Variants in NLRP2 observed in about 807,000 individuals in gnomAD.
NLRP2 encodes NLR family pyrin domain containing 2.
A neutral mutation model predicts 97.2 loss-of-function variants in NLRP2; 107 were observed. The ratio of observed to expected loss-of-function variants is 1.10; its 90% CI spans 0.94 to 1.29. The LOEUF is 1.29. Among genes scored for constraint, NLRP2 ranks in the 50% most tolerant of loss-of-function variants. The pLI, the probability that NLRP2 is intolerant of heterozygous loss-of-function variation, is 0.00. For synonymous variants in NLRP2, 663 were observed against 551.5 expected (o/e 1.20, Z -2.83); for missense variants, 1,495 against 1,330.3 (o/e 1.12, Z -1.93).
Position 54,982,465 on chromosome 19 carries a change from G to A in NLRP2, c.767G>A (p.Cys256Tyr). The A allele has an allele frequency of 1.2e-6, 2 of 1,614,202 alleles. No homozygotes were observed. Among genetic ancestry groups the A allele is most frequent in the East Asian group, 2.2e-5 (1 of 44,884 alleles). The stretch of plus-strand genomic sequence containing the variant: ...AGGGAGCTCAGCCGCCTGGGCCCGT[G>A]CAGTTTTGCAGAGCTGGTCTTCAGG... The part of the protein sequence containing the change: ...SCRELSRLGP[C>Y]SFAELVFRDW... The change falls in exon 6 of 13, where the codon TGC becomes TAC. Residue 256 changes from cysteine (C) to tyrosine (Y), a missense_variant. Physicochemically the swap from Cys to Tyr is radical, Grantham distance 194. Transcript: ENST00000448584.
intron 1 of NLRP2, among the ~76,000 whole-genome samples, chr19:54,969,263 C>T (rs1408782216): frequency 6.6e-6 from 1 of 151,788 alleles, no homozygotes; most frequent in Non-Finnish European, 1.5e-5. Context: ...ATCACGAGGT[C>T]AGGAGTTCGA....
rs562559152 is a variant in NLRP2, at chr19:55,000,955, C to T, written c.*57C>T. ...CATCGATTTTCCAGGTGTTGGTGAA[C>T]TGCCTGTGACTCCTCTCCTCCCCGG... On this transcript the variant is annotated 3_prime_UTR_variant, in exon 13 of 13. Coordinates refer to ENST00000448584, the MANE Select transcript of NLRP2 (RefSeq NM_017852.5). 6.0e-6 allele frequency: 9 copies of T among 1,509,258 alleles called. No individual in the cohort carries two copies. Among genetic ancestry groups the T allele is most frequent in the Non-Finnish European group, 8.3e-6 (9 of 1,087,080 alleles). The allele number at this position is 1,509,258 out of a possible 1,614,324, so 93.5% of individuals were successfully genotyped here.
At chr19:54,971,623 T>C (rs11668710) in intron 2 of NLRP2, among the ~76,000 whole-genome samples, 29,457 of 151,778 alleles carry the variant, frequency 0.19, 3,196 homozygotes, top group East Asian at 0.39. Context: ...ATGTCTTCTT[T>C]TGAGAAGTGT....
intron 1 of NLRP2, among the ~76,000 whole-genome samples, chr19:54,967,485 A>C (rs2070533337): frequency 6.6e-6 from 1 of 151,996 alleles, no homozygotes; most frequent in South Asian, 2.1e-4. Flanking sequence ...TGTCTCAAAA[A>C]ATAAAATAAA....
chr19:54,999,194 C>G (rs1483467007), intron 12 of NLRP2, among the ~76,000 whole-genome samples: 2 of 152,128 alleles, frequency 1.3e-5, no homozygotes, highest in Non-Finnish European at 2.9e-5. Flanking sequence ...GTTGTCCAGC[C>G]TGGAGCGCAA....
At chr19:54,981,512 C>CT in intron 4 of NLRP2, 105 bp from the exon 5 acceptor site, 1 of 273,618 alleles carries the variant, frequency 3.7e-6, no homozygotes, top group South Asian at 3.2e-5. Context: ...ATCCCGTGCC[C>CT]CCCCTCCCCC....
At chr19:54,977,729 G>C (rs1465137456) in intron 3 of NLRP2, 23 bp from the exon 4 acceptor site, 2 of 1,613,218 alleles carry the variant, frequency 1.2e-6, no homozygotes, top group Non-Finnish European at 1.7e-6. Context: ...CAACAGGCCT[G>C]TAATGCCGCC....
intron 8 of NLRP2, chr19:54,989,711 C>T (rs558446105): frequency 4.8e-5 from 23 of 483,032 alleles, no homozygotes; most frequent in Non-Finnish European, 7.9e-5. Flanking sequence ...CTGCCGGGCG[C>T]GGTGGCTCAC....
chr19:54,973,348 T>TTC (rs1344171866), intron 2 of NLRP2, among the ~76,000 whole-genome samples: 3 of 140,516 alleles, frequency 2.1e-5, no homozygotes, highest in Non-Finnish European at 4.5e-5. Context: ...GTGAGGGTTT[T>TTC]TTTTTTTTTT....
rs372912265 is a variant in NLRP2, at chr19:54,983,360, C to A, written c.1662C>A (p.Gly554=). The A allele has an allele frequency of 1.9e-6, 3 of 1,614,074 alleles. No individual in the cohort carries two copies. The highest frequency in any genetic ancestry group is 2.5e-6 in the Non-Finnish European group (3 of 1,180,048). The change falls in exon 6 of 13, where the codon GGC becomes GGA. Residue 554 remains glycine, a synonymous_variant. Coordinates refer to ENST00000448584, the MANE Select transcript of NLRP2 (RefSeq NM_017852.5). ...GGAACCCCGACCTGATCCAAGCAGG[C>A]TACTACTCCTTTGGCCTCGCTAACG... ...RLRNPDLIQA[G]YYSFGLANEK...
intron 10 of NLRP2, among the ~76,000 whole-genome samples, chr19:54,992,278 A>G (rs1352994057): frequency 1.3e-5 from 2 of 152,004 alleles, no homozygotes; most frequent in African/African-American, 4.8e-5. Context: ...TCCTCTTCCT[A>G]TGAAGTAACT....
intron 8 of NLRP2, 96 bp downstream of exon 8, chr19:54,986,411 T>C: frequency 8.7e-7 from 1 of 1,148,894 alleles, no homozygotes; most frequent in Non-Finnish European, 1.3e-6. Context: ...AGTTCGTTAT[T>C]CTGACTAGAA....
intron 2 of NLRP2, 117 bp from the exon 3 acceptor site, chr19:54,974,383 G>C (rs919860883): frequency 2.5e-6 from 2 of 806,172 alleles, no homozygotes; most frequent in Non-Finnish European, 2.2e-6. Flanking sequence ...GAACTGGAAG[G>C]AGATAAGAGA....
At chr19:54,978,886 T>C (rs901514673) in intron 4 of NLRP2, among the ~76,000 whole-genome samples, 1 of 151,900 alleles carries the variant, frequency 6.6e-6, no homozygotes, top group African/African-American at 2.4e-5. Context: ...AATGTATTTA[T>C]GGTACATTGC....
chr19:54,983,026 T>C lies in NLRP2; in HGVS notation c.1328T>C (p.Leu443Pro), dbSNP rs780312781. Residue 443 changes from leucine (L) to proline (P), a missense_variant, in exon 6 of 13, where the codon CTG becomes CCG. Physicochemically the swap from Leu to Pro is moderately conservative, Grantham distance 98 (BLOSUM62 -3). Transcript: ENST00000448584. The part of the protein sequence containing the change: ...LCSRFPQGAQ[L>P]RGALRTLSLL... The stretch of plus-strand genomic sequence containing the variant: ...AGCCGGTTCCCGCAGGGCGCACAGC[T>C]GCGGGGCGCGCTGCGGACGCTGAGC... 3.1e-6 allele frequency: 5 copies of C among 1,610,724 alleles called. No homozygotes were observed. The highest frequency in any genetic ancestry group is 4.2e-6 in the Non-Finnish European group (5 of 1,179,256).
chr19:54,967,932 T>A (rs945544746), intron 1 of NLRP2, among the ~76,000 whole-genome samples: 1 of 151,344 alleles, frequency 6.6e-6, no homozygotes, highest in Non-Finnish European at 1.5e-5. Context: ...TTTTTTTTTT[T>A]TTTTGAGACA....
In NLRP2 at chr19:54,982,153, A is replaced by G. The variant is rs749202533; in HGVS notation, c.464-9A>G. 72 of 1,613,856 alleles carry G rather than the reference A, an allele frequency of 4.5e-5. No homozygotes were observed. The highest frequency in any genetic ancestry group is 8.9e-5 in the East Asian group (4 of 44,888). ...TCCTCTCTCCCTTCCCTCCTCACCA[A>G]TGATAAAGACAAAGACAATAGGTGC... On this transcript the variant is annotated splice_polypyrimidine_tract_variant and intron_variant, in intron 5 of 12. Transcript: ENST00000448584.
rs1217489291 is a variant in NLRP2, at chr19:54,985,039, C to T, written c.2031-8C>T. On this transcript the variant is annotated splice_region_variant and splice_polypyrimidine_tract_variant and intron_variant, in intron 6 of 12. Transcript: ENST00000448584. ...ATTTGGTGTAACCCTTTCTTCTCTTCCCTATAGATCCCAGGATGATCAGCA... is the reference window on the plus strand; with the variant it reads ...ATTTGGTGTAACCCTTTCTTCTCTTTCCTATAGATCCCAGGATGATCAGCA... 6.2e-7 allele frequency: 1 copy of T among 1,613,942 alleles called. No individual in the cohort carries two copies. Among genetic ancestry groups the T allele is most frequent in the South Asian group, 1.1e-5 (1 of 91,072 alleles).
At chr19:54,989,497 T>C (rs115093782) in intron 8 of NLRP2, 1 of 181,118 alleles carries the variant, frequency 5.5e-6, no homozygotes, top group African/African-American at 2.4e-5. Context: ...CAATGAAACA[T>C]AGGTTAGCGG....
Sources: gnomAD v4.1 joint callset for allele counts (sites outside exome capture counted in the v4.1 genomes callset) on GRCh38, gnomAD v4.1.1 for gene constraint, MANE v1.5 for transcripts, NCBI Gene and HGNC (gene_info 2026-07-23, HGNC 2026-07-21) for gene names.